Variants in SPAG16 observed in about 807,000 individuals in gnomAD.
SPAG16 encodes sperm associated antigen 16, also known as sperm-associated antigen 16 protein.
SPAG16 carries 86 observed loss-of-function variants against 80.4 expected under a neutral mutation model. The observed-to-expected ratio is 1.07, with a 90% CI of 0.90 to 1.28. The LOEUF is 1.28. Ranked by LOEUF, SPAG16 falls within the 50% of genes most tolerant of loss-of-function variation. The pLI, the probability that SPAG16 is intolerant of heterozygous loss-of-function variation, is 0.00. For synonymous variants in SPAG16, 294 were observed against 265.9 expected (o/e 1.11, Z -1.03); for missense variants, 870 against 765.3 (o/e 1.14, Z -1.61).
intron 12 of SPAG16, among the ~76,000 whole-genome samples, chr2:213,953,215 A>G (rs559608303): frequency 6.6e-6 from 1 of 152,158 alleles, no homozygotes; most frequent in East Asian, 1.9e-4. Context: ...TATACTTAAT[A>G]CTTCAAATGG....
At chr2:213,941,721 T>C (rs540888779) in intron 12 of SPAG16, among the ~76,000 whole-genome samples, 32 of 152,340 alleles carry the variant, frequency 2.1e-4, no homozygotes, top group Non-Finnish European at 4.0e-4. Flanking sequence ...GTACATGCTT[T>C]GTGACTATAC....
chr2:214,101,339 G>C (rs932718773), intron 13 of SPAG16, among the ~76,000 whole-genome samples: 1 of 151,982 alleles, frequency 6.6e-6, no homozygotes, highest in Non-Finnish European at 1.5e-5. Flanking sequence ...TTCATGGGTT[G>C]GAAGATGGGT....
chr2:214,258,916 GTATTTT>G lies in SPAG16; in HGVS notation c.1720+109661_1720+109666del, dbSNP rs1335741874. Among the ~76,000 whole-genome samples, 4 of 151,708 alleles carry G rather than the reference GTATTTT, an allele frequency of 2.6e-5. No homozygotes were observed. In the South Asian group the frequency reaches 8.3e-4, roughly 32 times the overall value. The stretch of plus-strand genomic sequence containing the variant: ...TATATAGTTTCCATTTCCCTACTGA[GTATTTT>G]TATTTTTATTCTTTGAGAACATAAT... On this transcript the variant is annotated intron_variant, in intron 15 of 15. Transcript: ENST00000331683.
chr2:213,480,886 G>T (rs948136863), intron 9 of SPAG16, among the ~76,000 whole-genome samples: 2 of 152,040 alleles, frequency 1.3e-5, no homozygotes, highest in Admixed American at 1.3e-4. Context: ...TTATCAAAAA[G>T]AAAAATTGAA....
At chr2:213,670,555 T>A (rs1222823239) in intron 10 of SPAG16, among the ~76,000 whole-genome samples, 3 of 152,094 alleles carry the variant, frequency 2.0e-5, no homozygotes, top group South Asian at 2.1e-4. Context: ...TTTTGACTTT[T>A]CAAAATCAAA....
chr2:213,768,798 G>T (rs559399233), intron 10 of SPAG16, among the ~76,000 whole-genome samples: 1 of 152,160 alleles, frequency 6.6e-6, no homozygotes, highest in African/African-American at 2.4e-5. Context: ...CATAAGAAAT[G>T]TATGTCAATA....
At chr2:214,179,306 A>G (rs1370121640) in intron 15 of SPAG16, among the ~76,000 whole-genome samples, 4 of 151,052 alleles carry the variant, frequency 2.6e-5, no homozygotes, top group African/African-American at 7.3e-5. Context: ...CTGTTTGGCC[A>G]TAATATTGTA....
chr2:213,641,689 A>G (rs370407782), intron 10 of SPAG16, among the ~76,000 whole-genome samples: 16 of 152,304 alleles, frequency 1.1e-4, no homozygotes, highest in African/African-American at 3.4e-4. Context: ...AGCTCTTGGT[A>G]AGGGTAAATT....
At chr2:214,282,880 G>A (rs1243724567) in intron 15 of SPAG16, among the ~76,000 whole-genome samples, 1 of 152,092 alleles carries the variant, frequency 6.6e-6, no homozygotes, top group East Asian at 1.9e-4. Context: ...TATGATAGCA[G>A]AGTGGATTTT....
At chr2:214,031,679 C>T (rs943935194) in intron 13 of SPAG16, among the ~76,000 whole-genome samples, 11 of 149,798 alleles carry the variant, frequency 7.3e-5, no homozygotes, top group Admixed American at 2.0e-4. Flanking sequence ...AAGACCTTTA[C>T]GAAGAAAACA....
chr2:213,631,213 A>T (rs751984853), intron 10 of SPAG16, among the ~76,000 whole-genome samples: 1 of 152,198 alleles, frequency 6.6e-6, no homozygotes, highest in Non-Finnish European at 1.5e-5. Flanking sequence ...AAAAAGACCA[A>T]TTTGAAAATG....
intron 10 of SPAG16, among the ~76,000 whole-genome samples, chr2:213,670,955 G>C (rs1254652608): frequency 6.6e-6 from 1 of 152,138 alleles, no homozygotes; most frequent in Non-Finnish European, 1.5e-5. Context: ...TATTTCCAGA[G>C]ACCTGCCCTA....
intron 11 of SPAG16, among the ~76,000 whole-genome samples, chr2:213,877,909 G>A (rs1300705801): frequency 6.6e-6 from 1 of 151,992 alleles, no homozygotes; most frequent in Non-Finnish European, 1.5e-5. Context: ...CAACCACACT[G>A]TCACTATCTG....
At chr2:214,221,793 T>TAA (rs2058577677) in intron 15 of SPAG16, among the ~76,000 whole-genome samples, 1 of 152,184 alleles carries the variant, frequency 6.6e-6, no homozygotes, top group Non-Finnish European at 1.5e-5. Context: ...CTTTAGCATT[T>TAA]CAATTACATG....
In SPAG16 at chr2:213,871,509, A is replaced by C. The variant is rs532765979; in HGVS notation, c.1214+8881A>C. 8.6e-4 allele frequency among the ~76,000 whole-genome samples: 131 copies of C among 152,066 alleles called. 2 individuals are homozygous for C. The East Asian group carries it at 0.022, about 26-fold the overall frequency. On this transcript the variant is annotated intron_variant, in intron 11 of 15. Transcript: ENST00000331683. ...TGAAGCACACTGACATATTTCTAAG[A>C]CTATGGAAGGACACATACATGCAAG...
chr2:213,338,859 T>TC (rs1195197064), intron 5 of SPAG16, among the ~76,000 whole-genome samples: 3 of 151,556 alleles, frequency 2.0e-5, no homozygotes, highest in African/African-American at 4.8e-5. Context: ...CTGGCGCCTG[T>TC]CAGGGGGTGG....
chr2:214,085,786 G>C (rs2051700970), intron 13 of SPAG16, among the ~76,000 whole-genome samples: 2 of 152,178 alleles, frequency 1.3e-5, no homozygotes, highest in South Asian at 4.1e-4. Context: ...TCATCATGAT[G>C]TTGAAGGCTT....
At chr2:213,594,776 G>C (rs2060829913) in intron 10 of SPAG16, among the ~76,000 whole-genome samples, 1 of 152,102 alleles carries the variant, frequency 6.6e-6, no homozygotes, top group Admixed American at 6.5e-5. Context: ...AGATGTTTGC[G>C]AACTGACACA....
intron 9 of SPAG16, among the ~76,000 whole-genome samples, chr2:213,396,905 C>T (rs1225922095): frequency 6.6e-6 from 1 of 151,484 alleles, no homozygotes; most frequent in Non-Finnish European, 1.5e-5. Flanking sequence ...TTTTTTTTGA[C>T]CCAATATTTC....
Sources: gnomAD v4.1 joint callset for allele counts (sites outside exome capture counted in the v4.1 genomes callset) on GRCh38, gnomAD v4.1.1 for gene constraint, MANE v1.5 for transcripts, NCBI Gene and HGNC (gene_info 2026-07-23, HGNC 2026-07-21) for gene names.